Variants in TMEM163 observed in about 807,000 individuals in gnomAD.
TMEM163 encodes transmembrane protein 163.
In TMEM163, 17 loss-of-function variants were observed where a neutral mutation model predicts 29.3. The ratio of observed to expected loss-of-function variants is 0.58; its 90% CI spans 0.40 to 0.87. The LOEUF (loss-of-function observed/expected upper bound fraction) is 0.87. Among genes scored for constraint, TMEM163 ranks in the 40% least tolerant of loss-of-function variants. The probability of loss-of-function intolerance (pLI) is 0.00; values close to 1 mark genes in which losing one functional copy is unlikely to be tolerated. For missense variants in TMEM163, 303 were observed against 381.5 expected (o/e 0.79, Z 1.71); for synonymous variants, 157 against 160.6 (o/e 0.98, Z 0.17).
In TMEM163 at chr2:134,706,745, G is replaced by A. The variant is rs115954013; in HGVS notation, c.322+6455C>T. Among the ~76,000 whole-genome samples, 467 of 152,294 alleles carry A rather than the reference G, an allele frequency of 3.1e-3. 2 individuals carry two copies. The highest frequency in any genetic ancestry group is 8.5e-3 in the African/African-American group (352 of 41,556). On this transcript the variant is annotated intron_variant, in intron 2 of 7. Transcript: ENST00000281924. ...TAGGGCCCACAAGGAGCCTCTGGGG[G>A]CTGCAGTACATGGGGATGGGAGGAG... is the stretch of plus-strand genomic sequence containing the variant.
intron 4 of TMEM163, among the ~76,000 whole-genome samples, chr2:134,508,343 C>G (rs940477996): frequency 6.6e-6 from 1 of 152,218 alleles, no homozygotes; most frequent in African/African-American, 2.4e-5. Context: ...ACCTTTCACT[C>G]TGGTCTCCAA....
rs528534217 is a variant in TMEM163 at position 134,524,556 on chromosome 2, T to C, written c.459-21559A>G. On this transcript the variant is annotated intron_variant, in intron 4 of 7. Transcript: ENST00000281924. ...CCCCCTACCCATAGGCCCCAGTGTGTGTTCTTCCCCTCCCTGTGTCCATGT... is the reference window on the plus strand; with the variant it reads ...CCCCCTACCCATAGGCCCCAGTGTGCGTTCTTCCCCTCCCTGTGTCCATGT... Among the ~76,000 whole-genome samples, 37 of 149,700 alleles carry C rather than the reference T, an allele frequency of 2.5e-4. 3 individuals carry two copies. The South Asian group carries it at 6.3e-3, about 26-fold the overall frequency.
At chr2:134,672,208 T>C (rs1684010542) in intron 2 of TMEM163, among the ~76,000 whole-genome samples, 1 of 152,108 alleles carries the variant, frequency 6.6e-6, no homozygotes, top group East Asian at 1.9e-4. Flanking sequence ...AAGAACAGAG[T>C]GGAGACATTA....
At chr2:134,462,094 G>A (rs75088385) in intron 6 of TMEM163, among the ~76,000 whole-genome samples, 3,524 of 152,272 alleles carry the variant, frequency 0.023, 135 homozygotes, top group African/African-American at 0.08. Flanking sequence ...GCAGGGGATC[G>A]AAGGGCCACA....
At chr2:134,484,052 G>A (rs1388600685) in intron 5 of TMEM163, among the ~76,000 whole-genome samples, 1 of 152,158 alleles carries the variant, frequency 6.6e-6, no homozygotes, top group Non-Finnish European at 1.5e-5. Context: ...TGAGGCAGGA[G>A]AATCCCTTGA....
intron 2 of TMEM163, among the ~76,000 whole-genome samples, chr2:134,689,963 C>T (rs1366767068): frequency 6.6e-6 from 1 of 152,096 alleles, no homozygotes; most frequent in East Asian, 1.9e-4. Context: ...CAGAGTCTCA[C>T]CCTGGCACTC....
chr2:134,519,250 A>T (rs2106494291), intron 4 of TMEM163, among the ~76,000 whole-genome samples: 1 of 152,300 alleles, frequency 6.6e-6, no homozygotes, highest in South Asian at 2.1e-4. Flanking sequence ...CCTTCAAATC[A>T]CTACATATTT....
chr2:134,474,486 G>T (rs910427876), intron 5 of TMEM163, among the ~76,000 whole-genome samples: 1 of 152,098 alleles, frequency 6.6e-6, no homozygotes, highest in Non-Finnish European at 1.5e-5. Flanking sequence ...AAAAGGCAAG[G>T]ACATCTACTT....
At chr2:134,604,819 T>C (rs1682315726) in intron 2 of TMEM163, among the ~76,000 whole-genome samples, 1 of 152,218 alleles carries the variant, frequency 6.6e-6, no homozygotes, top group South Asian at 2.1e-4. Flanking sequence ...ACTTTACTAA[T>C]AACAGGAATA....
At chr2:134,652,990 T>C (rs1683516135) in intron 2 of TMEM163, among the ~76,000 whole-genome samples, 1 of 130,480 alleles carries the variant, frequency 7.7e-6, no homozygotes, top group Admixed American at 7.5e-5. Context: ...TCATCAAGGA[T>C]ATTGGTCTAA....
In TMEM163 at chr2:134,534,359, C is replaced by G. The variant is rs565927088; in HGVS notation, c.458+16211G>C. Among the ~76,000 whole-genome samples, 26 of 152,286 alleles carry G rather than the reference C, an allele frequency of 1.7e-4. No individual in the cohort carries two copies. The South Asian group carries it at 5.4e-3, about 32-fold the overall frequency. On this transcript the variant is annotated intron_variant, in intron 4 of 7. Transcript: ENST00000281924. ...TATCCAACCACAAACCAAACCACCACCCCACCATTCCACAGATGCAGATGT... is the reference window on the plus strand; with the variant it reads ...TATCCAACCACAAACCAAACCACCAGCCCACCATTCCACAGATGCAGATGT...
At chr2:134,698,956 A>G (rs1684637365) in intron 2 of TMEM163, among the ~76,000 whole-genome samples, 4 of 152,246 alleles carry the variant, frequency 2.6e-5, no homozygotes, top group Admixed American at 2.6e-4. Flanking sequence ...ACATTGAGCC[A>G]CTGGATCAAT....
At chr2:134,516,780 C>CACATATATATGCATATATATGAATAT (rs1553476344) in intron 4 of TMEM163, among the ~76,000 whole-genome samples, 1 of 139,460 alleles carries the variant, frequency 7.2e-6, no homozygotes, top group East Asian at 2.2e-4. Flanking sequence ...CATATCTATT[C>CACATATATATGCATATATATGAATAT]ATATATATAT....
chr2:134,631,309 G>C (rs796562349), intron 2 of TMEM163, among the ~76,000 whole-genome samples: 13 of 152,148 alleles, frequency 8.5e-5, no homozygotes, highest in African/African-American at 3.1e-4. Context: ...TCAACTTTAG[G>C]GTTCCTCAAT....
intron 2 of TMEM163, among the ~76,000 whole-genome samples, chr2:134,677,720 A>G (rs563475169): frequency 1.8e-4 from 28 of 152,352 alleles, no homozygotes; most frequent in African/African-American, 6.5e-4. Flanking sequence ...AGAAGAGTAG[A>G]GGATTATTTC....
chr2:134,684,540 C>T lies in TMEM163; in HGVS notation c.322+28660G>A, dbSNP rs555114170. ...GGCACCTCGGAGTCTGAGCTATCAG[C>T]TAATGAGGCTGCACTTCAGAGGTAT... On this transcript the variant is annotated intron_variant, in intron 2 of 7. Coordinates refer to ENST00000281924, the MANE Select transcript of TMEM163 (RefSeq NM_030923.5). Among the ~76,000 whole-genome samples, 244 of 152,318 alleles carry T rather than the reference C, an allele frequency of 1.6e-3. 1 individual carries two copies. Among genetic ancestry groups the T allele is most frequent in the Non-Finnish European group, 2.5e-3 (168 of 68,030 alleles).
intron 4 of TMEM163, among the ~76,000 whole-genome samples, chr2:134,528,673 A>G (rs1680346483): frequency 6.6e-6 from 1 of 152,216 alleles, no homozygotes; most frequent in South Asian, 2.1e-4. Flanking sequence ...TCAATTGTCC[A>G]TTTTTAAAAA....
At chr2:134,527,640 G>C (rs531244687) in intron 4 of TMEM163, among the ~76,000 whole-genome samples, 7 of 152,290 alleles carry the variant, frequency 4.6e-5, no homozygotes, top group African/African-American at 1.7e-4. Flanking sequence ...GGGATCCTGA[G>C]CAAGGCTATA....
chr2:134,635,732 G>A (rs892973298), intron 2 of TMEM163, among the ~76,000 whole-genome samples: 3 of 152,172 alleles, frequency 2.0e-5, no homozygotes, highest in Admixed American at 1.3e-4. Flanking sequence ...AGAGCAGAGG[G>A]TGAGTACTTG....
Sources: gnomAD v4.1 joint callset for allele counts (sites outside exome capture counted in the v4.1 genomes callset) on GRCh38, gnomAD v4.1.1 for gene constraint, MANE v1.5 for transcripts, NCBI Gene and HGNC (gene_info 2026-07-23, HGNC 2026-07-21) for gene names.